DCLK1: variants seen among roughly 807,000 people sequenced by gnomAD.
DCLK1 encodes serine/threonine-protein kinase DCLK1.
DCLK1 carries 16 observed loss-of-function variants against 86.2 expected under a neutral mutation model. The observed-to-expected ratio is 0.19, with a 90% CI of 0.13 to 0.28. DCLK1 has a LOEUF of 0.28. DCLK1 is among the 10% of genes least tolerant of loss of function. The probability of loss-of-function intolerance (pLI) is 1.00; values close to 1 mark genes in which losing one functional copy is unlikely to be tolerated. For missense variants in DCLK1, 590 were observed against 940.2 expected (o/e 0.63, Z 4.87); for synonymous variants, 369 against 370.5 (o/e 1.00, Z 0.05).
intron 15 of DCLK1, among the ~76,000 whole-genome samples, chr13:35,795,938 A>AAAAAAACCAACAAC: frequency 6.6e-6 from 1 of 151,666 alleles, no homozygotes; most frequent in Non-Finnish European, 1.5e-5. Context: ...AAAAAAAAAA[A>AAAAAAACCAACAAC]AAAAAACCAA....
intron 4 of DCLK1, among the ~76,000 whole-genome samples, chr13:35,879,971 A>G (rs1023984102): frequency 1.3e-5 from 2 of 152,136 alleles, no homozygotes; most frequent in Non-Finnish European, 2.9e-5. Context: ...GTAGAGAACC[A>G]CTGCCAATGT....
chr13:35,957,602 A>T (rs953701282), intron 3 of DCLK1, among the ~76,000 whole-genome samples: 1 of 152,202 alleles, frequency 6.6e-6, no homozygotes, highest in Non-Finnish European at 1.5e-5. Context: ...AAACATAAAG[A>T]TAAATCACTT....
chr13:36,006,647 T>A (rs930512734), intron 3 of DCLK1, among the ~76,000 whole-genome samples: 1 of 152,018 alleles, frequency 6.6e-6, no homozygotes, highest in Non-Finnish European at 1.5e-5. Flanking sequence ...GGAGAAAAAA[T>A]TACTTCATTT....
chr13:36,054,556 CCAAA>C (rs911648620), intron 3 of DCLK1, among the ~76,000 whole-genome samples: 34 of 152,186 alleles, frequency 2.2e-4, no homozygotes, highest in East Asian at 7.7e-4. Context: ...AAACAACCAA[CCAAA>C]CAAACAGACA....
chr13:35,867,835 T>C (rs1286416727), intron 5 of DCLK1, among the ~76,000 whole-genome samples: 1 of 111,120 alleles, frequency 9.0e-6, no homozygotes, highest in African/African-American at 3.3e-5. Context: ...CCATCTTTAT[T>C]GACTTAAAGG....
At chr13:36,121,835 G>A (rs1160300399) in intron 2 of DCLK1, among the ~76,000 whole-genome samples, 1 of 152,158 alleles carries the variant, frequency 6.6e-6, no homozygotes, top group Non-Finnish European at 1.5e-5. Flanking sequence ...GCTGGGCACA[G>A]TGCCTCACGC....
At chr13:36,045,328 G>A (rs865899412) in intron 3 of DCLK1, among the ~76,000 whole-genome samples, 57 of 45,208 alleles carry the variant, frequency 1.3e-3, no homozygotes, top group South Asian at 5.7e-3. Flanking sequence ...ATGTGTGTGT[G>A]TGTGTATATA....
At chr13:35,989,935 T>C (rs1880146824) in intron 3 of DCLK1, among the ~76,000 whole-genome samples, 1 of 152,212 alleles carries the variant, frequency 6.6e-6, no homozygotes, top group Non-Finnish European at 1.5e-5. Flanking sequence ...TGATATGTGA[T>C]AAACTAAGAG....
intron 2 of DCLK1, among the ~76,000 whole-genome samples, chr13:36,112,507 T>C (rs1313004323): frequency 6.6e-6 from 1 of 152,138 alleles, no homozygotes; most frequent in African/African-American, 2.4e-5. Flanking sequence ...CTTAGAGAAG[T>C]GTGAAAGTGA....
chr13:35,832,471 T>A (rs1046906244), intron 8 of DCLK1, among the ~76,000 whole-genome samples: 2 of 152,182 alleles, frequency 1.3e-5, no homozygotes, highest in Non-Finnish European at 2.9e-5. Context: ...TTGAATTTCA[T>A]GGCAATCCTT....
intron 4 of DCLK1, among the ~76,000 whole-genome samples, chr13:35,932,960 C>A (rs1210051919): frequency 1.3e-5 from 2 of 152,174 alleles, no homozygotes; most frequent in African/African-American, 2.4e-5. Flanking sequence ...TCCCTTCTAC[C>A]TATGAGCCTG....
intron 3 of DCLK1, among the ~76,000 whole-genome samples, chr13:35,981,056 A>G (rs1879612613): frequency 6.6e-6 from 1 of 152,170 alleles, no homozygotes; most frequent in South Asian, 2.1e-4. Flanking sequence ...AAGAGGTAAT[A>G]ATAATATTAG....
intron 3 of DCLK1, among the ~76,000 whole-genome samples, chr13:36,000,715 T>C (rs1040167614): frequency 1.1e-4 from 17 of 152,142 alleles, no homozygotes; most frequent in African/African-American, 4.1e-4. Context: ...GTTAACCATA[T>C]GATGTTTTAC....
chr13:35,919,764 T>C (rs964968555), intron 4 of DCLK1, among the ~76,000 whole-genome samples: 5 of 151,836 alleles, frequency 3.3e-5, no homozygotes, highest in African/African-American at 1.2e-4. Flanking sequence ...AGTTTGAGAT[T>C]AGCCTGGGCA....
intron 3 of DCLK1, among the ~76,000 whole-genome samples, chr13:36,070,711 G>A (rs1276657847): frequency 1.3e-5 from 2 of 151,582 alleles, no homozygotes; most frequent in African/African-American, 4.9e-5. Flanking sequence ...GCGCAATCTC[G>A]GCTCACTGCA....
intron 5 of DCLK1, among the ~76,000 whole-genome samples, chr13:35,868,487 T>A (rs1872017322): frequency 6.6e-6 from 1 of 152,222 alleles, no homozygotes; most frequent in East Asian, 1.9e-4. Context: ...TTTTTATTCA[T>A]CTTATATACT....
chr13:36,076,308 T>C (rs1172056859), intron 3 of DCLK1, among the ~76,000 whole-genome samples: 1 of 152,198 alleles, frequency 6.6e-6, no homozygotes, highest in African/African-American at 2.4e-5. Context: ...ACCAGGAATT[T>C]ATGGGCACTT....
intron 3 of DCLK1, among the ~76,000 whole-genome samples, chr13:36,003,768 G>C (rs561488315): frequency 3.9e-5 from 6 of 152,282 alleles, no homozygotes; most frequent in Admixed American, 1.3e-4. Context: ...ATTTTCCTAA[G>C]AGATATACGG....
intron 4 of DCLK1, among the ~76,000 whole-genome samples, chr13:35,946,635 C>T (rs1217559364): frequency 6.6e-6 from 1 of 152,138 alleles, no homozygotes; most frequent in Admixed American, 6.5e-5. Flanking sequence ...GCAATACTCC[C>T]ATAATTAAAT....
Sources: allele counts gnomAD v4.1 joint callset (sites outside exome capture counted in the v4.1 genomes callset), GRCh38; gene constraint gnomAD v4.1.1; transcripts MANE v1.5; gene names NCBI Gene and HGNC (gene_info 2026-07-23, HGNC 2026-07-21).